The following RPS6KC1 variants were observed in gnomAD, a reference collection of about 807,000 sequenced individuals.
The protein encoded by RPS6KC1 is inactive ribosomal protein S6 kinase delta-1.
A neutral mutation model predicts 103.8 loss-of-function variants in RPS6KC1; 54 were observed. The observed-to-expected ratio is 0.52, with a 90% CI of 0.42 to 0.65. The LOEUF (loss-of-function observed/expected upper bound fraction) is 0.65. Ranked by LOEUF, RPS6KC1 falls within the 30% of genes least tolerant of loss-of-function variation. RPS6KC1 has a pLI of 0.00. For missense variants in RPS6KC1, 1,151 were observed against 1,253.8 expected (o/e 0.92, Z 1.24); for synonymous variants, 439 against 438.7 (o/e 1.00, Z -0.01).
In RPS6KC1 at chr1:213,230,536, A is replaced by T; in HGVS notation, c.1084A>T (p.Ile362Phe). Residue 362 changes from isoleucine (I) to phenylalanine (F), a missense_variant, in exon 9 of 15, where the codon ATT becomes TTT. Physicochemically the swap from Ile to Phe is conservative, Grantham distance 21. Coordinates refer to ENST00000366960, the MANE Select transcript of RPS6KC1 (RefSeq NM_012424.6). ...VMDTRTEQTF[I>F]LKGLRKSSEY... is the part of the protein sequence containing the mutation. ...GGACACAAGGACAGAACAGACTTTCATTTTAAAAGTAAGTAAAATTTGTAG... is the reference window on the plus strand; with the variant it reads ...GGACACAAGGACAGAACAGACTTTCTTTTTAAAAGTAAGTAAAATTTGTAG... 1 of 1,605,096 alleles carries T rather than the reference A, an allele frequency of 6.2e-7. No individual in the cohort carries two copies. The highest frequency in any genetic ancestry group is 2.2e-5 in the East Asian group (1 of 44,492).
At chr1:213,168,168 C>A (rs180926179) in intron 7 of RPS6KC1, among the ~76,000 whole-genome samples, 195 bp downstream of exon 7, 1 of 152,236 alleles carries the variant, frequency 6.6e-6, no homozygotes, top group East Asian at 1.9e-4. Flanking sequence ...TTGCTTTCTC[C>A]TTTTCTTGGT....
At chr1:213,610,141 A>G in the RPS6KC1 span, among the ~76,000 whole-genome samples, 34 of 152,314 alleles carry the variant, frequency 2.2e-4, no homozygotes, top group Non-Finnish European at 4.4e-4. Flanking sequence ...CATGATAAGC[A>G]AAAAATGGCA....
intron 8 of RPS6KC1, among the ~76,000 whole-genome samples, chr1:213,213,747 C>A (rs539493775): frequency 7.9e-5 from 12 of 152,104 alleles, no homozygotes; most frequent in Admixed American, 2.0e-4. Context: ...TGTTTTAGTA[C>A]TATCAAAATA....
intron 8 of RPS6KC1, among the ~76,000 whole-genome samples, chr1:213,184,478 A>ATT (rs60844583): frequency 6.8e-6 from 1 of 147,712 alleles, no homozygotes; most frequent in African/African-American, 2.5e-5. Flanking sequence ...TTGATCTTGT[A>ATT]TTTTTTTTTT....
intron 5 of RPS6KC1, among the ~76,000 whole-genome samples, chr1:213,118,021 C>CAAAAAAAAAAAGAAAAAA (rs2083878579): frequency 2.9e-5 from 1 of 34,182 alleles, no homozygotes; most frequent in Non-Finnish European, 5.9e-5. Flanking sequence ...GACTTTGTCT[C>CAAAAAAAAAAAGAAAAAA]AAAAAAAAAA....
At position 213,241,552 on chromosome 1, in the gene RPS6KC1, T is replaced by A. The variant is rs2094353495; in HGVS notation, c.2076T>A (p.Leu692=). 6 of 1,614,006 alleles carry A rather than the reference T, an allele frequency of 3.7e-6. No homozygotes were observed. In the East Asian group the frequency reaches 1.1e-4, roughly 30 times the overall value. The change falls in exon 11 of 15, where the codon CTT becomes CTA. Residue 692 remains leucine, a synonymous_variant. Transcript: ENST00000366960. ...SGTDEGRPDL[L]VNLPGELEST... ...CTGATGAAGGAAGACCTGATCTTCTTGTAAATTTACCTGGTGAATTGGAGT... is the reference window on the plus strand; with the variant it reads ...CTGATGAAGGAAGACCTGATCTTCTAGTAAATTTACCTGGTGAATTGGAGT...
the RPS6KC1 span, among the ~76,000 whole-genome samples, chr1:213,754,842 C>T: frequency 6.6e-6 from 1 of 152,216 alleles, no homozygotes; most frequent in Admixed American, 6.5e-5. Context: ...TGAGGGAACA[C>T]AAACATTCAA....
chr1:213,562,393 T>G, the RPS6KC1 span, among the ~76,000 whole-genome samples: 2 of 45,636 alleles, frequency 4.4e-5, no homozygotes, highest in East Asian at 8.2e-4. Context: ...TTTTTTTTTT[T>G]TTTTTTTTTT....
At chr1:213,177,186 C>T (rs767572614) in intron 8 of RPS6KC1, among the ~76,000 whole-genome samples, 28 of 152,110 alleles carry the variant, frequency 1.8e-4, no homozygotes, top group African/African-American at 5.3e-4. Context: ...TGACATCTCA[C>T]GCCAAATATT....
In RPS6KC1 at chr1:213,241,432, A is replaced by G; in HGVS notation, c.1956A>G (p.Val652=). 6.2e-7 allele frequency: 1 copy of G among 1,614,000 alleles called. No individual in the cohort carries two copies. Among genetic ancestry groups the G allele is most frequent in the Admixed American group, 1.7e-5 (1 of 59,968 alleles). Residue 652 remains valine, a synonymous_variant, in exon 11 of 15, where the codon GTA becomes GTG. Coordinates refer to ENST00000366960, the MANE Select transcript of RPS6KC1 (RefSeq NM_012424.6). ...SRSFNTSESK[V]EFKAQDTISR... is the part of the protein sequence containing the mutation. ...GTTTTAATACTAGTGAAAGCAAGGT[A>G]GAGTTTAAAGCTCAGGACACCATTA...
chr1:213,787,864 C>T, the RPS6KC1 span, among the ~76,000 whole-genome samples: 1 of 152,132 alleles, frequency 6.6e-6, no homozygotes, highest in African/African-American at 2.4e-5. Context: ...AGGAATGTCA[C>T]ACCAAGCTGT....
chr1:213,499,641 G>A, the RPS6KC1 span, among the ~76,000 whole-genome samples: 1 of 152,144 alleles, frequency 6.6e-6, no homozygotes, highest in Non-Finnish European at 1.5e-5. Flanking sequence ...CTGCTGTACG[G>A]CCTGGTTCCT....
At chr1:213,800,166 G>T in the RPS6KC1 span, among the ~76,000 whole-genome samples, 3 of 152,114 alleles carry the variant, frequency 2.0e-5, no homozygotes, top group South Asian at 2.1e-4. Context: ...CAGGGTGGGG[G>T]TGAGGGGAAA....
downstream of RPS6KC1, among the ~76,000 whole-genome samples, chr1:213,277,762 T>C (rs961606972): frequency 2.0e-5 from 3 of 152,232 alleles, no homozygotes; most frequent in Non-Finnish European, 2.9e-5. Context: ...GCTGTTGTGA[T>C]TTCTTTTGGG....
chr1:213,321,245 GTAGA>G, the RPS6KC1 span, among the ~76,000 whole-genome samples: 1 of 152,210 alleles, frequency 6.6e-6, no homozygotes, highest in Non-Finnish European at 1.5e-5. Flanking sequence ...GTTTTTCTGG[GTAGA>G]TAGTTTCTTC....
chr1:213,602,050 T>TTC, the RPS6KC1 span, among the ~76,000 whole-genome samples: 3 of 70,030 alleles, frequency 4.3e-5, no homozygotes, highest in African/African-American at 1.6e-4. Context: ...CTTTCTTTCT[T>TTC]TCTTTCTCTT....
chr1:213,641,905 A>G, the RPS6KC1 span, among the ~76,000 whole-genome samples: 1 of 151,598 alleles, frequency 6.6e-6, no homozygotes, highest in African/African-American at 2.4e-5. Context: ...TAAATAAAGA[A>G]GAAAGTTATC....
At chr1:213,118,021 CA>C (rs59318173) in intron 5 of RPS6KC1, among the ~76,000 whole-genome samples, 355 of 34,196 alleles carry the variant, frequency 0.01, 22 homozygotes, top group East Asian at 0.058. Flanking sequence ...GACTTTGTCT[CA>C]AAAAAAAAAA....
At chr1:213,116,942 C>G (rs1169991145) in intron 4 of RPS6KC1, among the ~76,000 whole-genome samples, 1 of 152,090 alleles carries the variant, frequency 6.6e-6, no homozygotes, top group East Asian at 1.9e-4. Context: ...TGATGGGCTT[C>G]CTTTTGAGGG....
Sources: allele counts gnomAD v4.1 joint callset (sites outside exome capture counted in the v4.1 genomes callset), GRCh38; gene constraint gnomAD v4.1.1; transcripts MANE v1.5; gene names NCBI Gene and HGNC (gene_info 2026-07-23, HGNC 2026-07-21).